KCNMA1: variants seen among roughly 807,000 people sequenced by gnomAD.
KCNMA1 encodes potassium calcium-activated channel subfamily M alpha 1.
KCNMA1 carries 29 observed loss-of-function variants against 140.0 expected under a neutral mutation model. The ratio of observed to expected loss-of-function variants is 0.21; its 90% CI spans 0.15 to 0.28. The LOEUF (loss-of-function observed/expected upper bound fraction) is 0.28, where lower values mean the gene tolerates loss of function less well. Ranked by LOEUF, KCNMA1 falls within the 10% of genes least tolerant of loss-of-function variation. The probability of loss-of-function intolerance (pLI) is 1.00; values close to 1 mark genes in which losing one functional copy is unlikely to be tolerated. For missense variants in KCNMA1, 880 were observed against 1,602.2 expected, an observed-to-expected ratio of 0.55 and a Z score of 7.70; for synonymous variants, 612 against 611.9, an observed-to-expected ratio of 1.00 and a Z score of 0.00.
Position 77,637,044 on chromosome 10 carries a change from C to T in KCNMA1, c.378+221G>A, listed in dbSNP as rs984802445. On this transcript the variant is annotated intron_variant, in intron 1 of 27. Transcript: ENST00000286628. ...AGAGGACAGGATTGAGCGTCCGCGT[C>T]CCGGAGCGCACTGGCTGGGGGCAAC... 35 of 1,401,548 alleles carry T rather than the reference C, an allele frequency of 2.5e-5. No individual in the cohort carries two copies. The South Asian group carries it at 4.7e-4, about 19-fold the overall frequency. 86.8% of individuals were successfully genotyped at this position (1,401,548 alleles called of 1,614,324 possible). A position where few individuals can be genotyped will look rare whatever the true frequency, so the allele number is the denominator to read the frequency against.
intron 1 of KCNMA1, among the ~76,000 whole-genome samples, chr10:77,590,327 CA>C (rs2078683164): frequency 6.6e-6 from 1 of 152,226 alleles, no homozygotes; most frequent in South Asian, 2.1e-4. Context: ...CGCCGTGGAG[CA>C]GGGGGCGGCG....
chr10:77,427,916 C>T (rs1229109488), intron 1 of KCNMA1, among the ~76,000 whole-genome samples: 1 of 151,894 alleles, frequency 6.6e-6, no homozygotes, highest in East Asian at 1.9e-4. Context: ...CCACGCCTGG[C>T]TAATTTTTGT....
At chr10:77,394,269 C>T (rs1457307936) in intron 2 of KCNMA1, among the ~76,000 whole-genome samples, 6 of 151,164 alleles carry the variant, frequency 4.0e-5, no homozygotes, top group Non-Finnish European at 8.9e-5. Flanking sequence ...CTGAAACTCT[C>T]CTTCATTTTC....
At chr10:77,069,068 T>C (rs1355878848) in intron 14 of KCNMA1, among the ~76,000 whole-genome samples, 1 of 152,040 alleles carries the variant, frequency 6.6e-6, no homozygotes, top group African/African-American at 2.4e-5. Flanking sequence ...TTAAATTACA[T>C]CCAAGTGAGG....
At chr10:77,116,871 A>G (rs957809836) in intron 6 of KCNMA1, among the ~76,000 whole-genome samples, 2 of 152,298 alleles carry the variant, frequency 1.3e-5, no homozygotes, top group Non-Finnish European at 2.9e-5. Context: ...CAGTCTAACC[A>G]CATTTCCTCT....
At chr10:77,106,251 A>G (rs1255509083) in intron 9 of KCNMA1, among the ~76,000 whole-genome samples, 1 of 152,150 alleles carries the variant, frequency 6.6e-6, no homozygotes, top group Non-Finnish European at 1.5e-5. Context: ...CATTTTCATA[A>G]ACGGAGAAGA....
At chr10:77,074,037 TTC>T (rs2096301912) in intron 13 of KCNMA1, among the ~76,000 whole-genome samples, 1 of 152,090 alleles carries the variant, frequency 6.6e-6, no homozygotes, top group African/African-American at 2.4e-5. Context: ...GTTCAAAAGG[TTC>T]TCCAGAGTTG....
rs754019764 is a variant in KCNMA1 at position 76,953,806 on chromosome 10, T to G, written c.2479A>C (p.Ile827Leu). Residue 827 changes from isoleucine (I) to leucine (L), a missense_variant, in exon 21 of 28, where the codon ATC becomes CTC. This residue lies in a region of KCNMA1 where 82 missense variants were observed against 170.1 expected (regional missense o/e 0.48). Coordinates refer to ENST00000286628, the MANE Select transcript of KCNMA1 (RefSeq NM_001161352.2). The part of the protein sequence containing the change: ...WCAPKEIEKV[I>L]LTRSEAAMTV... ...ATGCACAGTCCCTCACTCACCAGGA[T>G]GACTTTCTCTATCTCCTTGGGTGCA... 6.2e-7 allele frequency: 1 copy of G among 1,613,944 alleles called. No individual in the cohort carries two copies. The highest frequency in any genetic ancestry group is 8.5e-7 in the Non-Finnish European group (1 of 1,179,950).
chr10:77,408,707 A>G (rs888432949), intron 1 of KCNMA1, among the ~76,000 whole-genome samples: 2 of 152,186 alleles, frequency 1.3e-5, no homozygotes, highest in Non-Finnish European at 2.9e-5. Context: ...GAGAAAAATG[A>G]GAGGTGAGGC....
Position 77,637,431 on chromosome 10 carries a change from A to T in KCNMA1, c.212T>A (p.Ile71Asn), listed in dbSNP as rs1404837982. The T allele has an allele frequency of 6.2e-7, 1 of 1,613,530 alleles. No homozygotes were observed. Among genetic ancestry groups the T allele is most frequent in the Non-Finnish European group, 8.5e-7 (1 of 1,179,858 alleles). The change falls in exon 1 of 28, where the codon ATC (isoleucine) becomes AAC (asparagine). Residue 71 changes from isoleucine to asparagine, a missense_variant. This residue lies in a region of KCNMA1 where 31 missense variants were observed against 75.0 expected (regional missense o/e 0.41). Transcript: ENST00000286628. ...GCACGGCACCTCCATGGTCACCGGG[A>T]TGATGAGCGCATCCATCTTGGGCTC... is the stretch of plus-strand genomic sequence containing the variant. ...VHEPKMDALI[I>N]PVTMEVPCDS...
intron 12 of KCNMA1, among the ~76,000 whole-genome samples, chr10:77,081,680 T>C (rs2096569755): frequency 6.6e-6 from 1 of 152,148 alleles, no homozygotes; most frequent in Non-Finnish European, 1.5e-5. Flanking sequence ...TTGAAGGATT[T>C]CATTTTATTT....
chr10:77,303,189 T>C (rs1203967920), intron 2 of KCNMA1, among the ~76,000 whole-genome samples: 6 of 152,198 alleles, frequency 3.9e-5, no homozygotes, highest in Non-Finnish European at 8.8e-5. Context: ...CCTTCTCCCA[T>C]TATTCATATT....
At chr10:77,485,265 T>C (rs2098447613) in intron 1 of KCNMA1, among the ~76,000 whole-genome samples, 1 of 152,240 alleles carries the variant, frequency 6.6e-6, no homozygotes, top group African/African-American at 2.4e-5. Context: ...GATGTAATCA[T>C]TTTAAAGAGT....
At chr10:77,019,381 C>CT in intron 16 of KCNMA1, 1 of 392,790 alleles carries the variant, frequency 2.5e-6, no homozygotes, top group South Asian at 3.4e-5. Flanking sequence ...ATGGAGCAGT[C>CT]TAGCTGCCAT....
chr10:77,495,790 A>G (rs1164107711), intron 1 of KCNMA1, among the ~76,000 whole-genome samples: 1 of 152,180 alleles, frequency 6.6e-6, no homozygotes, highest in Non-Finnish European at 1.5e-5. Context: ...AGCCAGCCTC[A>G]TGATGAGCAG....
At chr10:77,529,854 C>G (rs1193329427) in intron 1 of KCNMA1, among the ~76,000 whole-genome samples, 1 of 152,126 alleles carries the variant, frequency 6.6e-6, no homozygotes. Context: ...TTGGAGTGGA[C>G]AGCCTGGCCT....
chr10:77,627,921 C>T (rs557824900), intron 1 of KCNMA1, among the ~76,000 whole-genome samples: 7 of 152,286 alleles, frequency 4.6e-5, no homozygotes, highest in East Asian at 3.9e-4. Context: ...TAGTTCCATG[C>T]GCTTCTGCAC....
chr10:77,482,986 T>TCA (rs1257297205), intron 1 of KCNMA1, among the ~76,000 whole-genome samples: 10 of 75,412 alleles, frequency 1.3e-4, no homozygotes, highest in African/African-American at 3.3e-4. Flanking sequence ...TCTCTCTCTC[T>TCA]CACATACACA....
Position 77,194,898 on chromosome 10 carries a change from C to T in KCNMA1, c.603-9982G>A, listed in dbSNP as rs567014082. On this transcript the variant is annotated intron_variant, in intron 3 of 27. Coordinates refer to ENST00000286628, the MANE Select transcript of KCNMA1 (RefSeq NM_001161352.2). ...CCATTTATCTGCTGCTTCACTTTGA[C>T]GAACAGAAAACAATGTCACATAACA... is the stretch of plus-strand genomic sequence containing the variant. Among the ~76,000 whole-genome samples, 8 of 152,252 alleles carry T rather than the reference C, an allele frequency of 5.3e-5. No homozygotes were observed. In the East Asian group the frequency reaches 5.8e-4, roughly 11 times the overall value.
Sources: allele counts gnomAD v4.1 joint callset (sites outside exome capture counted in the v4.1 genomes callset), GRCh38; gene constraint gnomAD v4.1.1; regional missense constraint gnomAD v4.1.1; transcripts MANE v1.5; gene names NCBI Gene and HGNC (gene_info 2026-07-23, HGNC 2026-07-21).